APBB2: variants seen among roughly 807,000 people sequenced by gnomAD.
The protein encoded by APBB2 is Fe65-like 1.
A neutral mutation model predicts 82.5 loss-of-function variants in APBB2; 38 were observed. The observed-to-expected ratio is 0.46, with a 90% CI of 0.36 to 0.60. The LOEUF (loss-of-function observed/expected upper bound fraction) is 0.60, where lower values mean the gene tolerates loss of function less well. Ranked by LOEUF, APBB2 falls within the 20% of genes least tolerant of loss-of-function variation. The pLI, the probability that APBB2 is intolerant of heterozygous loss-of-function variation, is 0.00. For synonymous variants in APBB2, 341 were observed against 368.2 expected (o/e 0.93, Z 0.85); for missense variants, 772 against 972.3 (o/e 0.79, Z 2.74).
intron 10 of APBB2, among the ~76,000 whole-genome samples, chr4:40,904,015 ATTTCC>A (rs1776030641): frequency 6.6e-6 from 1 of 152,112 alleles, no homozygotes; most frequent in East Asian, 1.9e-4. Context: ...GTTTTGTGAT[ATTTCC>A]CTAAGAGTTA....
chr4:40,831,118 G>C (rs141660407), intron 12 of APBB2, among the ~76,000 whole-genome samples: 217 of 152,188 alleles, frequency 1.4e-3, no homozygotes, highest in African/African-American at 4.9e-3. Flanking sequence ...TTTTAAAAAA[G>C]GATGGGCGTG....
intron 12 of APBB2, among the ~76,000 whole-genome samples, chr4:40,842,062 C>A (rs559759248): frequency 1.3e-5 from 2 of 152,206 alleles, no homozygotes; most frequent in African/African-American, 4.8e-5. Context: ...TCACTCCCTG[C>A]CACACTGATG....
chr4:40,964,790 CAAG>C (rs1380201421), intron 6 of APBB2, among the ~76,000 whole-genome samples: 1 of 17,598 alleles, frequency 5.7e-5, no homozygotes, highest in Non-Finnish European at 2.2e-4. Context: ...ATGCACATTG[CAAG>C]TATAGTTTTG....
At chr4:41,175,714 G>A (rs1036060918) in intron 1 of APBB2, among the ~76,000 whole-genome samples, 2 of 151,960 alleles carry the variant, frequency 1.3e-5, no homozygotes, top group East Asian at 3.8e-4. Context: ...ATGTTTCAAC[G>A]AAAATGAAGT....
chr4:40,920,519 C>T (rs1780990760), intron 10 of APBB2, among the ~76,000 whole-genome samples: 1 of 152,124 alleles, frequency 6.6e-6, no homozygotes, highest in Admixed American at 6.5e-5. Flanking sequence ...AACAGAACTC[C>T]CACCACAACA....
rs67741152 is a variant in APBB2, at chr4:40,831,411, C to CA, written c.1530-835dup. 4.3e-3 allele frequency among the ~76,000 whole-genome samples: 608 copies of CA among 142,874 alleles called. 4 individuals carry two copies. The highest frequency in any genetic ancestry group is 0.015 in the African/African-American group (546 of 36,150). The allele number at this position is 142,874 out of a possible 152,430, so 93.7% of individuals were successfully genotyped here. A position where few individuals can be genotyped will look rare whatever the true frequency, so the allele number is the denominator to read the frequency against. The stretch of plus-strand genomic sequence containing the variant: ...GGGTGAAACTCCCTCTGAAAAAAAA[C>CA]AAAAAAAAAACATAACTTCAAAAGC... On this transcript the variant is annotated intron_variant, in intron 12 of 17. Coordinates refer to ENST00000508593, the MANE Select transcript of APBB2 (RefSeq NM_004307.2).
intron 4 of APBB2, among the ~76,000 whole-genome samples, chr4:41,058,230 A>G (rs1728514953): frequency 6.6e-6 from 1 of 152,110 alleles, no homozygotes; most frequent in African/African-American, 2.4e-5. Flanking sequence ...ACACTCTTTT[A>G]TTACAACAAA....
intron 1 of APBB2, among the ~76,000 whole-genome samples, chr4:41,202,876 C>T (rs1383496129): frequency 2.0e-5 from 3 of 152,216 alleles, no homozygotes; most frequent in East Asian, 1.9e-4. Context: ...TGTAGGCAAA[C>T]GTTCAAACCT....
At position 40,957,585 on chromosome 4, in the gene APBB2, C is replaced by CT. The variant is rs34411160; in HGVS notation, c.836-12513dup. Among the ~76,000 whole-genome samples the CT allele has an allele frequency of 3.0e-3, 427 of 142,540 alleles. 4 individuals are homozygous for CT. Among genetic ancestry groups the CT allele is most frequent in the Middle Eastern group, 0.014 (4 of 280 alleles). 93.5% of individuals were successfully genotyped at this position (142,540 alleles called of 152,430 possible). ...ACTGCTTCTGCTCCACCTCATATTC[C>CT]TTTTTTTTTTTTTTTGAGGCGGAGT... is the stretch of plus-strand genomic sequence containing the variant. On this transcript the variant is annotated intron_variant, in intron 6 of 17. Coordinates refer to ENST00000508593, the MANE Select transcript of APBB2 (RefSeq NM_004307.2).
chr4:40,975,792 C>CACAAA lies in APBB2; in HGVS notation c.836-30720_836-30719insTTTGT, dbSNP rs1560429417. 6.9e-5 allele frequency among the ~76,000 whole-genome samples: 6 copies of CACAAA among 87,188 alleles called. No individual in the cohort carries two copies. In the East Asian group the frequency reaches 1.5e-3, roughly 21 times the overall value. 57.2% of individuals were successfully genotyped at this position (87,188 alleles called of 152,430 possible). ...CACACACACACACACACACACACAA[C>CACAAA]AACCACTCTACTTTCCCCTATATAA... On this transcript the variant is annotated intron_variant, in intron 6 of 17. Coordinates refer to ENST00000508593, the MANE Select transcript of APBB2 (RefSeq NM_004307.2).
At chr4:40,910,944 T>G (rs1778370142) in intron 10 of APBB2, among the ~76,000 whole-genome samples, 1 of 152,278 alleles carries the variant, frequency 6.6e-6, no homozygotes, top group Admixed American at 6.5e-5. Flanking sequence ...CAGTTGTTTT[T>G]ATTGGAATAA....
At chr4:40,867,158 G>C (rs1186145430) in intron 12 of APBB2, among the ~76,000 whole-genome samples, 1 of 152,064 alleles carries the variant, frequency 6.6e-6, no homozygotes, top group African/African-American at 2.4e-5. Flanking sequence ...CATTTATATC[G>C]TGTCTGTAGG....
At chr4:40,890,609 A>G in intron 11 of APBB2, 118 bp from the exon 12 acceptor site, 2 of 1,363,532 alleles carry the variant, frequency 1.5e-6, no homozygotes, top group Non-Finnish European at 2.0e-6. Context: ...TGGGGTCTGT[A>G]ATTTGTCTGC....
intron 10 of APBB2, among the ~76,000 whole-genome samples, chr4:40,912,450 G>A (rs572974467): frequency 2.0e-5 from 3 of 152,268 alleles, no homozygotes; most frequent in South Asian, 2.1e-4. Context: ...GGTGGCAGGC[G>A]CCTGTAATCC....
At chr4:40,964,992 T>A (rs1167775854) in intron 6 of APBB2, among the ~76,000 whole-genome samples, 1 of 152,162 alleles carries the variant, frequency 6.6e-6, no homozygotes, top group East Asian at 1.9e-4. Flanking sequence ...TGGTGGCACG[T>A]GCCTGTAGTC....
intron 4 of APBB2, among the ~76,000 whole-genome samples, chr4:41,064,119 C>T (rs1387758081): frequency 1.3e-5 from 2 of 152,056 alleles, no homozygotes; most frequent in Non-Finnish European, 2.9e-5. Context: ...GCTGGGACTA[C>T]AGGCACCCGC....
intron 6 of APBB2, among the ~76,000 whole-genome samples, chr4:40,991,307 G>T (rs1202516179): frequency 6.6e-6 from 1 of 150,506 alleles, no homozygotes; most frequent in Non-Finnish European, 1.5e-5. Flanking sequence ...GTGAGCCACC[G>T]TGCCTTGCTG....
Position 40,825,972 on chromosome 4 carries a change from T to C in APBB2, c.1733-2A>G, listed in dbSNP as rs1356614628. The C allele has an allele frequency of 3.7e-6, 6 of 1,612,922 alleles. No homozygotes were observed. The highest frequency in any genetic ancestry group is 4.2e-6 in the Non-Finnish European group (5 of 1,179,040). ...CAGTCTTTGGTGTTGGAAAATCTAC[T>C]ACAGGGAACAAAAGCAACACATCTT... On this transcript the variant is annotated splice_acceptor_variant, in intron 14 of 17. Transcript: ENST00000508593. LOFTEE classifies it high-confidence loss of function.
At chr4:41,102,686 G>T (rs1214252338) in intron 2 of APBB2, among the ~76,000 whole-genome samples, 1 of 152,094 alleles carries the variant, frequency 6.6e-6, no homozygotes, top group Non-Finnish European at 1.5e-5. Flanking sequence ...CTGGTATCCC[G>T]ACTCCATCTG....
Sources: gnomAD v4.1 joint callset for allele counts (sites outside exome capture counted in the v4.1 genomes callset) on GRCh38, gnomAD v4.1.1 for gene constraint, MANE v1.5 for transcripts, NCBI Gene and HGNC (gene_info 2026-07-23, HGNC 2026-07-21) for gene names.